MMRN1: variants seen among roughly 807,000 people sequenced by gnomAD.
MMRN1 encodes the protein multimerin 1.
Under a neutral mutation model 100.7 loss-of-function variants are expected in MMRN1, and 94 were observed. The observed-to-expected ratio is 0.93, with a 90% confidence interval of 0.79 to 1.11. MMRN1 has a LOEUF of 1.11. Among genes scored for constraint, MMRN1 ranks in the 50% least tolerant of loss-of-function variants. The probability of loss-of-function intolerance (pLI) is 0.00; values close to 1 mark genes in which losing one functional copy is unlikely to be tolerated. For missense variants in MMRN1, 1,606 were observed against 1,439.1 expected, an observed-to-expected ratio of 1.12 and a Z score of -1.88; for synonymous variants, 575 against 505.0, an observed-to-expected ratio of 1.14 and a Z score of -1.86.
intron 2 of MMRN1, 31 bp downstream of exon 2, chr4:89,909,426 T>G: frequency 6.2e-7 from 1 of 1,605,096 alleles, no homozygotes; most frequent in Non-Finnish European, 8.5e-7. Flanking sequence ...ATAGCCACTG[T>G]TTTTGCACCA....
intron 7 of MMRN1, 142 bp downstream of exon 7, chr4:89,951,893 A>G (rs899456317): frequency 1.9e-5 from 18 of 936,202 alleles, no homozygotes; most frequent in Non-Finnish European, 2.7e-5. Flanking sequence ...AAACTTACTG[A>G]AGAATGTACC....
intron 3 of MMRN1, among the ~76,000 whole-genome samples, chr4:89,913,293 C>T (rs1401634020): frequency 1.3e-5 from 2 of 151,170 alleles, no homozygotes; most frequent in African/African-American, 2.4e-5. Context: ...ATTATTAATT[C>T]CATCATTATT....
In MMRN1 at chr4:89,936,565, G is replaced by T; in HGVS notation, c.2885G>T (p.Gly962Val). 1.2e-6 allele frequency: 2 copies of T among 1,612,420 alleles called. No individual in the cohort carries two copies. Among genetic ancestry groups the T allele is most frequent in the Middle Eastern group, 1.7e-4 (1 of 6,050 alleles). The change falls in exon 6 of 8, where the codon GGT becomes GTT. Residue 962 changes from glycine to valine, a missense_variant. Gly to Val is a moderately radical substitution (Grantham distance 109, BLOSUM62 -3). Transcript: ENST00000264790. ...CCAGATATTCAACTTCTTCAGAAAG[G>T]TCTAACAGAATTTGTGGAACCAATA... is the stretch of plus-strand genomic sequence containing the variant. ...SLPDIQLLQKGLTEFVEPIIQ... is the reference protein window; with the variant it reads ...SLPDIQLLQKVLTEFVEPIIQ...
At chr4:89,922,682 C>A (rs922972072) in intron 3 of MMRN1, among the ~76,000 whole-genome samples, 1 of 151,998 alleles carries the variant, frequency 6.6e-6, no homozygotes, top group Admixed American at 6.6e-5. Flanking sequence ...GGAAACAATC[C>A]ATTTAAGTGG....
intron 1 of MMRN1, among the ~76,000 whole-genome samples, chr4:89,906,013 G>A (rs905189837): frequency 8.6e-5 from 13 of 151,284 alleles, no homozygotes; most frequent in Non-Finnish European, 3.0e-5. Context: ...TTTATTTCTT[G>A]GGAAAATATT....
At chr4:89,882,489 A>G (rs1720841674) in intron 1 of MMRN1, among the ~76,000 whole-genome samples, 1 of 151,852 alleles carries the variant, frequency 6.6e-6, no homozygotes, top group South Asian at 2.1e-4. Context: ...TTAGTTGAAC[A>G]CTTTTAACAG....
intron 5 of MMRN1, among the ~76,000 whole-genome samples, chr4:89,931,750 T>C (rs1416723847): frequency 2.0e-5 from 3 of 152,308 alleles, no homozygotes; most frequent in East Asian, 3.9e-4. Context: ...TTATTCACTA[T>C]CATGAGAACA....
At position 89,935,471 on chromosome 4, in the gene MMRN1, C is replaced by G; in HGVS notation, c.1791C>G (p.Ser597=). The G allele has an allele frequency of 6.2e-7, 1 of 1,613,434 alleles. No homozygotes were observed. The highest frequency in any genetic ancestry group is 8.5e-7 in the Non-Finnish European group (1 of 1,179,726). Residue 597 remains serine (S), a synonymous_variant, in exon 6 of 8, where the codon TCC becomes TCG. Transcript: ENST00000264790. The part of the protein sequence containing the change: ...SLRGECEDML[S]KCRNDFKFQL... Reference sequence around the variant, plus strand: ...GAGGTGAATGTGAAGACATGTTATCCAAATGCAGAAATGATTTTAAATTTC... The same window carrying G: ...GAGGTGAATGTGAAGACATGTTATCGAAATGCAGAAATGATTTTAAATTTC...
chr4:89,945,791 C>T (rs1024891620), intron 6 of MMRN1, among the ~76,000 whole-genome samples: 2 of 152,026 alleles, frequency 1.3e-5, no homozygotes, highest in Non-Finnish European at 2.9e-5. Flanking sequence ...GCTGATACAA[C>T]TAAATGTGCC....
intron 4 of MMRN1, among the ~76,000 whole-genome samples, chr4:89,925,896 G>A (rs533092764): frequency 6.6e-6 from 1 of 152,156 alleles, no homozygotes; most frequent in Non-Finnish European, 1.5e-5. Flanking sequence ...TGCGATGCTT[G>A]TCTTTCTGTT....
At chr4:89,896,075 G>T (rs373522616) in intron 1 of MMRN1, among the ~76,000 whole-genome samples, 1 of 152,196 alleles carries the variant, frequency 6.6e-6, no homozygotes, top group African/African-American at 2.4e-5. Flanking sequence ...CCTGGCTTCA[G>T]TATGGTCTAG....
At chr4:89,902,828 A>T (rs527889061) in intron 1 of MMRN1, among the ~76,000 whole-genome samples, 15 of 152,196 alleles carry the variant, frequency 9.9e-5, no homozygotes, top group Admixed American at 2.6e-4. Context: ...TCAAAAAATT[A>T]TTTTAAATAT....
intron 1 of MMRN1, among the ~76,000 whole-genome samples, chr4:89,905,108 T>C (rs1007014729): frequency 6.6e-6 from 1 of 151,592 alleles, no homozygotes; most frequent in Non-Finnish European, 1.5e-5. Flanking sequence ...TATAAAAAAA[T>C]ATAAGACTAA....
intron 3 of MMRN1, among the ~76,000 whole-genome samples, chr4:89,913,616 A>G (rs1721823858): frequency 6.6e-6 from 1 of 151,324 alleles, no homozygotes; most frequent in Non-Finnish European, 1.5e-5. Context: ...TCAAAGTATG[A>G]TATGAAATAT....
chr4:89,919,633 G>GACT, intron 3 of MMRN1, among the ~76,000 whole-genome samples: 1 of 151,672 alleles, frequency 6.6e-6, no homozygotes, highest in Non-Finnish European at 1.5e-5. Flanking sequence ...AGATGTTCCA[G>GACT]ACTAACTGAG....
chr4:89,939,196 A>G (rs1355831705), intron 6 of MMRN1, among the ~76,000 whole-genome samples: 1 of 152,060 alleles, frequency 6.6e-6, no homozygotes, highest in East Asian at 1.9e-4. Flanking sequence ...TGGCTGTTTC[A>G]TTTCACCTTT....
chr4:89,912,129 T>C (rs892950884), intron 3 of MMRN1, 79 bp downstream of exon 3: 60 of 1,024,200 alleles, frequency 5.9e-5, no homozygotes, highest in Non-Finnish European at 7.5e-5. Context: ...CATTTCCCCT[T>C]TTGAACCAAG....
intron 4 of MMRN1, among the ~76,000 whole-genome samples, chr4:89,923,574 C>T (rs913253091): frequency 6.6e-6 from 1 of 152,142 alleles, no homozygotes; most frequent in Non-Finnish European, 1.5e-5. Context: ...TTTTGTTCTC[C>T]AAAGAGTGTC....
intron 1 of MMRN1, among the ~76,000 whole-genome samples, chr4:89,898,335 AGG>A (rs1467882720): frequency 6.6e-6 from 1 of 151,980 alleles, no homozygotes; most frequent in African/African-American, 2.4e-5. Context: ...TTCTTTACAG[AGG>A]GATTAAGTAG....
Sources: gnomAD v4.1 joint callset for allele counts (sites outside exome capture counted in the v4.1 genomes callset) on GRCh38, gnomAD v4.1.1 for gene constraint, MANE v1.5 for transcripts, NCBI Gene and HGNC (gene_info 2026-07-23, HGNC 2026-07-21) for gene names.